Variants in BNC2 observed in about 807,000 individuals in gnomAD.
BNC2 encodes the protein basonuclin zinc finger protein 2.
A neutral mutation model predicts 76.3 loss-of-function variants in BNC2; 20 were observed. The observed-to-expected ratio is 0.26, with a 90% CI of 0.18 to 0.38. The LOEUF (loss-of-function observed/expected upper bound fraction) is 0.38, where lower values mean the gene tolerates loss of function less well. Ranked by LOEUF, BNC2 falls within the 10% of genes least tolerant of loss-of-function variation. BNC2 has a pLI of 1.00. For missense variants in BNC2, 1,382 were observed against 1,399.8 expected (o/e 0.99, Z 0.20); for synonymous variants, 582 against 514.8 (o/e 1.13, Z -1.77).
At chr9:16,591,466 C>T (rs1042403476) in intron 3 of BNC2, among the ~76,000 whole-genome samples, 4 of 152,106 alleles carry the variant, frequency 2.6e-5, no homozygotes, top group East Asian at 1.9e-4. Context: ...CAACCTAAAA[C>T]GTCTATCTAA....
At chr9:16,709,988 C>T (rs932760059) in intron 3 of BNC2, among the ~76,000 whole-genome samples, 10 of 152,154 alleles carry the variant, frequency 6.6e-5, no homozygotes, top group Non-Finnish European at 1.3e-4. Context: ...GTATTCTAAA[C>T]TGGAGGCATT....
At chr9:16,505,251 T>A (rs537838881) in intron 5 of BNC2, among the ~76,000 whole-genome samples, 20 of 152,322 alleles carry the variant, frequency 1.3e-4, no homozygotes, top group Admixed American at 1.0e-3. Context: ...TCCCACACCA[T>A]GCCACTGCAA....
At chr9:16,790,536 CA>C (rs2135651759) in intron 1 of BNC2, among the ~76,000 whole-genome samples, 1 of 152,344 alleles carries the variant, frequency 6.6e-6, no homozygotes, top group East Asian at 1.9e-4. Context: ...CAATTCTAAA[CA>C]AGCATCTTTT....
intron 3 of BNC2, among the ~76,000 whole-genome samples, chr9:16,620,561 T>A (rs1353300650): frequency 1.3e-5 from 2 of 151,990 alleles, no homozygotes; most frequent in African/African-American, 2.4e-5. Context: ...ACATACAGCA[T>A]CAAAACAAAA....
At chr9:16,547,886 T>G (rs563665810) in intron 5 of BNC2, among the ~76,000 whole-genome samples, 8 of 152,298 alleles carry the variant, frequency 5.3e-5, no homozygotes, top group Non-Finnish European at 8.8e-5. Context: ...GAGCCTGTGT[T>G]ATACTAATGA....
At chr9:16,663,196 C>G (rs1469929433) in intron 3 of BNC2, among the ~76,000 whole-genome samples, 2 of 140,454 alleles carry the variant, frequency 1.4e-5, no homozygotes, top group South Asian at 2.2e-4. Flanking sequence ...GTGGCGCAAT[C>G]CCGGCTCACT....
intron 1 of BNC2, among the ~76,000 whole-genome samples, chr9:16,799,610 G>C (rs1016128503): frequency 6.6e-6 from 1 of 151,984 alleles, no homozygotes; most frequent in Admixed American, 6.6e-5. Flanking sequence ...AACAAGAAGG[G>C]CAAAATAGCC....
chr9:16,552,086 C>T (rs1035815856), intron 5 of BNC2, among the ~76,000 whole-genome samples: 2 of 152,000 alleles, frequency 1.3e-5, no homozygotes, highest in East Asian at 1.9e-4. Flanking sequence ...AAAATGTGTA[C>T]CTTTAGGTAC....
chr9:16,602,053 T>A (rs572403680), intron 3 of BNC2, among the ~76,000 whole-genome samples: 1 of 152,254 alleles, frequency 6.6e-6, no homozygotes, highest in African/African-American at 2.4e-5. Context: ...GGTACCATTC[T>A]GCTTTCATAA....
chr9:16,817,363 AATG>A lies in BNC2; in HGVS notation c.3+53280_3+53282del, dbSNP rs563911895. On this transcript the variant is annotated intron_variant, in intron 1 of 6. Coordinates refer to ENST00000380672, the MANE Select transcript of BNC2 (RefSeq NM_017637.6). The stretch of plus-strand genomic sequence containing the variant: ...CAACTTTGTAAAATCTAAAGGTGAT[AATG>A]ATGATGATCATGATGGCAATTAAAA... 4.7e-3 allele frequency among the ~76,000 whole-genome samples: 712 copies of A among 152,326 alleles called. 4 individuals are homozygous for A. The highest frequency in any genetic ancestry group is 0.016 in the African/African-American group (674 of 41,572).
intron 5 of BNC2, among the ~76,000 whole-genome samples, chr9:16,484,927 C>A (rs920190340): frequency 3.3e-5 from 5 of 152,188 alleles, no homozygotes; most frequent in African/African-American, 1.2e-4. Context: ...TGAAGCTTGG[C>A]TTCAGGCAAC....
At chr9:16,826,826 GGATGGATGGATGATC>G (rs1172228329) in intron 1 of BNC2, among the ~76,000 whole-genome samples, 1 of 152,070 alleles carries the variant, frequency 6.6e-6, no homozygotes, top group Non-Finnish European at 1.5e-5. Context: ...ATGGATAGAT[GGATGGATGGATGATC>G]GATGGATGGA....
intron 5 of BNC2, among the ~76,000 whole-genome samples, chr9:16,498,242 T>C (rs1167116166): frequency 9.8e-6 from 1 of 102,268 alleles, no homozygotes; most frequent in Non-Finnish European, 2.3e-5. Flanking sequence ...TATTCCATCA[T>C]ATATATATAT....
At chr9:16,761,013 C>T (rs1439111067) in intron 1 of BNC2, among the ~76,000 whole-genome samples, 3 of 151,732 alleles carry the variant, frequency 2.0e-5, no homozygotes, top group Non-Finnish European at 4.4e-5. Context: ...GAGGCTAAGG[C>T]AGGAGGATTG....
chr9:16,813,618 G>C (rs969807744), intron 1 of BNC2, among the ~76,000 whole-genome samples: 6 of 152,128 alleles, frequency 3.9e-5, no homozygotes, highest in African/African-American at 1.2e-4. Context: ...TGACATTTCT[G>C]TGAGAATGGA....
chr9:16,836,528 AAAAG>A (rs578168528), intron 1 of BNC2, among the ~76,000 whole-genome samples: 1 of 152,024 alleles, frequency 6.6e-6, no homozygotes, highest in Non-Finnish European at 1.5e-5. Context: ...AAAAAAAAAA[AAAAG>A]AATCCTAGAA....
chr9:16,601,249 C>G (rs1386023180), intron 3 of BNC2, among the ~76,000 whole-genome samples: 1 of 152,134 alleles, frequency 6.6e-6, no homozygotes, highest in South Asian at 2.1e-4. Flanking sequence ...ATCGGGGAAT[C>G]GCAACTTCCA....
chr9:16,697,384 G>T (rs749852346), intron 3 of BNC2, among the ~76,000 whole-genome samples: 26 of 151,426 alleles, frequency 1.7e-4, no homozygotes, highest in African/African-American at 6.3e-4. Flanking sequence ...AATTAAAGAG[G>T]TCGTTCCTTG....
chr9:16,756,032 G>A (rs766603857), intron 1 of BNC2, among the ~76,000 whole-genome samples: 3 of 151,996 alleles, frequency 2.0e-5, no homozygotes, highest in Non-Finnish European at 4.4e-5. Flanking sequence ...CAACCCTCTG[G>A]GATTAACTCA....
Sources: allele counts gnomAD v4.1 joint callset (sites outside exome capture counted in the v4.1 genomes callset), GRCh38; gene constraint gnomAD v4.1.1; transcripts MANE v1.5; gene names NCBI Gene and HGNC (gene_info 2026-07-23, HGNC 2026-07-21).